The following CCDC7 variants were observed in gnomAD, a reference collection of about 807,000 sequenced individuals.
CCDC7 encodes the protein coiled-coil domain containing 7.
CCDC7 carries 183 observed loss-of-function variants against 196.9 expected under a neutral mutation model. The ratio of observed to expected loss-of-function variants is 0.93; its 90% CI spans 0.82 to 1.05. The LOEUF is 1.05. Among genes scored for constraint, CCDC7 ranks in the 50% least tolerant of loss-of-function variants. The pLI is 0.00. For synonymous variants in CCDC7, 525 were observed against 484.6 expected (o/e 1.08, Z -1.10); for missense variants, 1,540 against 1,482.2 (o/e 1.04, Z -0.64).
intron 29 of CCDC7, among the ~76,000 whole-genome samples, chr10:32,793,104 C>G (rs1410865678): frequency 1.3e-5 from 2 of 152,130 alleles, no homozygotes; most frequent in East Asian, 3.8e-4. Context: ...ATCTTGAATA[C>G]TTTCACTTAG....
At chr10:32,813,262 G>C (rs1195054205) in intron 30 of CCDC7, among the ~76,000 whole-genome samples, 1 of 151,982 alleles carries the variant, frequency 6.6e-6, no homozygotes, top group Non-Finnish European at 1.5e-5. Flanking sequence ...TTTTCAATAT[G>C]AATTTCTTTT....
chr10:32,537,706 C>A (rs1222248883), intron 11 of CCDC7, among the ~76,000 whole-genome samples: 1 of 152,126 alleles, frequency 6.6e-6, no homozygotes, highest in African/African-American at 2.4e-5. Context: ...CAGTCTTCTG[C>A]ATATGGCTGG....
At chr10:32,458,151 A>G (rs2034772568) in intron 3 of CCDC7, among the ~76,000 whole-genome samples, 1 of 151,938 alleles carries the variant, frequency 6.6e-6, no homozygotes, top group Admixed American at 6.6e-5. Flanking sequence ...CAGTAGTTTC[A>G]TAGTTTTGGG....
chr10:32,575,451 C>G (rs992069443), intron 16 of CCDC7, among the ~76,000 whole-genome samples: 1 of 152,032 alleles, frequency 6.6e-6, no homozygotes, highest in African/African-American at 2.4e-5. Context: ...TGTCATTATT[C>G]CGTAGAGAAA....
rs565130210 is a variant in CCDC7 at position 32,745,829 on chromosome 10, A to T, written c.2905+16372A>T. Among the ~76,000 whole-genome samples, 28 of 152,294 alleles carry T rather than the reference A, an allele frequency of 1.8e-4. No individual in the cohort carries two copies. In the South Asian group the frequency reaches 5.6e-3, roughly 30 times the overall value. On this transcript the variant is annotated intron_variant, in intron 28 of 41. Coordinates refer to ENST00000639629, the Ensembl canonical transcript of CCDC7. ...GAACTGACACCTTGAAAATATTGTC[A>T]TCCTAACTCTAAGCATATAATCTCT...
intron 9 of CCDC7, among the ~76,000 whole-genome samples, chr10:32,499,572 G>C (rs1043345778): frequency 6.6e-6 from 1 of 151,652 alleles, no homozygotes; most frequent in Non-Finnish European, 1.5e-5. Context: ...GAAAGAGGGA[G>C]CCCTAATGTT....
chr10:32,550,374 T>A (rs1482824510), intron 13 of CCDC7, among the ~76,000 whole-genome samples: 2 of 152,212 alleles, frequency 1.3e-5, no homozygotes, highest in African/African-American at 2.4e-5. Context: ...TGACTACTTC[T>A]TTACTGATTT....
At chr10:32,663,499 A>T (rs997842978) in intron 20 of CCDC7, among the ~76,000 whole-genome samples, 7 of 152,136 alleles carry the variant, frequency 4.6e-5, no homozygotes, top group African/African-American at 1.7e-4. Context: ...CATACTTGAT[A>T]TCTTTCTTCT....
chr10:32,722,641 G>T (rs1359619035), intron 25 of CCDC7, among the ~76,000 whole-genome samples: 1 of 151,896 alleles, frequency 6.6e-6, no homozygotes, highest in African/African-American at 2.4e-5. Flanking sequence ...TTTTTATAAG[G>T]ACATCATTTA....
At chr10:32,645,377 C>T (rs770584572) in intron 20 of CCDC7, among the ~76,000 whole-genome samples, 3 of 151,878 alleles carry the variant, frequency 2.0e-5, no homozygotes, top group Non-Finnish European at 4.4e-5. Context: ...GAATCCCACT[C>T]GATCATGGTA....
At chr10:32,780,700 A>T (rs1406483984) in intron 29 of CCDC7, among the ~76,000 whole-genome samples, 1 of 152,212 alleles carries the variant, frequency 6.6e-6, no homozygotes, top group Non-Finnish European at 1.5e-5. Context: ...CACAAAAAAG[A>T]TGGAATTAGA....
intron 21 of CCDC7, among the ~76,000 whole-genome samples, chr10:32,668,001 G>A (rs919418649): frequency 1.4e-4 from 21 of 152,042 alleles, no homozygotes; most frequent in African/African-American, 5.1e-4. Context: ...CTGCCCATGA[G>A]TATGGGATGT....
chr10:32,822,328 C>T (rs2090396776), intron 31 of CCDC7, among the ~76,000 whole-genome samples: 2 of 152,020 alleles, frequency 1.3e-5, no homozygotes, highest in African/African-American at 4.8e-5. Context: ...AACATATCAA[C>T]ATGTAATATA....
At chr10:32,707,686 CAG>C (rs1371000686) in intron 24 of CCDC7, among the ~76,000 whole-genome samples, 1 of 152,136 alleles carries the variant, frequency 6.6e-6, no homozygotes, top group Non-Finnish European at 1.5e-5. Flanking sequence ...AACAGACAAA[CAG>C]AGAGCCAAAT....
At chr10:32,619,224 CAT>C (rs1345282862) in intron 18 of CCDC7, among the ~76,000 whole-genome samples, 1 of 151,882 alleles carries the variant, frequency 6.6e-6, no homozygotes, top group Non-Finnish European at 1.5e-5. Flanking sequence ...ACATGAAAAA[CAT>C]AGTAAAACTT....
chr10:32,550,344 G>A (rs1384449183), intron 13 of CCDC7, among the ~76,000 whole-genome samples: 1 of 151,280 alleles, frequency 6.6e-6, no homozygotes, highest in Non-Finnish European at 1.5e-5. Context: ...GTAAATGATT[G>A]TCAGCAAACA....
chr10:32,840,437 C>T (rs1013718531), intron 33 of CCDC7, among the ~76,000 whole-genome samples: 1 of 151,972 alleles, frequency 6.6e-6, no homozygotes, highest in Non-Finnish European at 1.5e-5. Flanking sequence ...ATACAATCCC[C>T]CTAGATTAAA....
At chr10:32,784,664 C>T (rs2081555170) in intron 29 of CCDC7, among the ~76,000 whole-genome samples, 4 of 151,982 alleles carry the variant, frequency 2.6e-5, no homozygotes, top group Admixed American at 2.0e-4. Context: ...CTTCGCCTCC[C>T]GGATTCAAGC....
At chr10:32,596,363 CT>C (rs1275589838) in intron 18 of CCDC7, among the ~76,000 whole-genome samples, 5 of 151,974 alleles carry the variant, frequency 3.3e-5, no homozygotes, top group Admixed American at 6.6e-5. Flanking sequence ...CAACCCTTAC[CT>C]TTTTTTGTTT....
Sources: allele counts gnomAD v4.1 joint callset (sites outside exome capture counted in the v4.1 genomes callset), GRCh38; gene constraint gnomAD v4.1.1; transcripts MANE v1.5; gene names NCBI Gene and HGNC (gene_info 2026-07-23, HGNC 2026-07-21).